Variants in SHISA9 observed in about 807,000 individuals in gnomAD.
The protein encoded by SHISA9 is shisa family member 9, also known as protein shisa-9.
Under a neutral mutation model 38.0 loss-of-function variants are expected in SHISA9, and 13 were observed. That is an observed-to-expected ratio of 0.34 (90% CI 0.22 to 0.54). SHISA9 has a LOEUF of 0.54. Ranked by LOEUF, SHISA9 falls within the 20% of genes least tolerant of loss-of-function variation. The probability of loss-of-function intolerance (pLI) is 0.91; values close to 1 mark genes in which losing one functional copy is unlikely to be tolerated. For synonymous variants in SHISA9, 275 were observed against 242.0 expected (o/e 1.14, Z -1.27); for missense variants, 538 against 575.8 (o/e 0.93, Z 0.67).
At chr16:13,119,822 T>C (rs2074068033) in intron 2 of SHISA9, among the ~76,000 whole-genome samples, 1 of 152,230 alleles carries the variant, frequency 6.6e-6, no homozygotes, top group Admixed American at 6.5e-5. Flanking sequence ...TTCAGGCAAG[T>C]ACTTAATATT....
chr16:13,552,671 C>T, the SHISA9 span, among the ~76,000 whole-genome samples: 30 of 152,224 alleles, frequency 2.0e-4, no homozygotes, highest in African/African-American at 5.5e-4. Context: ...TTGAAAAGAC[C>T]GGCCCAGGGG....
the SHISA9 span, among the ~76,000 whole-genome samples, chr16:13,397,470 G>A: frequency 6.6e-5 from 10 of 152,268 alleles, no homozygotes; most frequent in Admixed American, 3.3e-4. Flanking sequence ...TCTGCTGCCC[G>A]CCCCGCTGGG....
chr16:13,314,587 C>CAA, the SHISA9 span, among the ~76,000 whole-genome samples: 6 of 149,442 alleles, frequency 4.0e-5, no homozygotes, highest in East Asian at 2.0e-4. Context: ...ATTGATATAC[C>CAA]AAAAAAAAAC....
In SHISA9 at chr16:12,902,189, C is replaced by A. The variant is rs750220517; in HGVS notation, c.125C>A (p.Ala42Glu). The change falls in exon 1 of 5, where the codon GCG becomes GAG. Residue 42 changes from alanine to glutamate, a missense_variant. Transcript: ENST00000558583. ...LAQLGGVLLL[A>E]GGNRSGAASG... is the part of the protein sequence containing the mutation. ...CAACTGGGCGGCGTGTTGCTGCTGG[C>A]GGGGGGCAACCGCTCCGGGGCCGCC... is the stretch of plus-strand genomic sequence containing the variant. 6.5e-7 allele frequency: 1 copy of A among 1,529,262 alleles called. No individual in the cohort carries two copies. The highest frequency in any genetic ancestry group is 1.8e-4 in the Middle Eastern group (1 of 5,482). 94.7% of individuals were successfully genotyped at this position (1,529,262 alleles called of 1,614,324 possible).
chr16:13,526,169 T>C, the SHISA9 span, among the ~76,000 whole-genome samples: 4 of 152,208 alleles, frequency 2.6e-5, no homozygotes, highest in African/African-American at 9.6e-5. Context: ...ACTAACAAGA[T>C]CCACCTGAGT....
the SHISA9 span, among the ~76,000 whole-genome samples, chr16:13,506,152 G>A: frequency 6.6e-6 from 1 of 152,202 alleles, no homozygotes; most frequent in African/African-American, 2.4e-5. Flanking sequence ...TCTGCCTTAA[G>A]TAACTATCAA....
At chr16:13,507,995 T>A in the SHISA9 span, among the ~76,000 whole-genome samples, 3 of 152,198 alleles carry the variant, frequency 2.0e-5, no homozygotes, top group Non-Finnish European at 4.4e-5. Flanking sequence ...AAAACACAAT[T>A]GTTTCTGGTT....
chr16:13,476,755 T>G, the SHISA9 span, among the ~76,000 whole-genome samples: 3 of 134,478 alleles, frequency 2.2e-5, no homozygotes, highest in Admixed American at 7.3e-5. Flanking sequence ...TTTTTTTTTT[T>G]TTTTTTTTTT....
At chr16:13,394,551 T>A in the SHISA9 span, among the ~76,000 whole-genome samples, 16 of 152,280 alleles carry the variant, frequency 1.1e-4, no homozygotes, top group African/African-American at 3.8e-4. Flanking sequence ...CCTCCATCCC[T>A]GCCCTACTCA....
the SHISA9 span, among the ~76,000 whole-genome samples, chr16:13,317,389 G>A: frequency 4.0e-4 from 61 of 152,366 alleles, no homozygotes; most frequent in African/African-American, 1.4e-3. Context: ...TCAGCAGGGA[G>A]TTCTTCAAGA....
At position 12,970,340 on chromosome 16, in the gene SHISA9, T is replaced by C. The variant is rs1277351810; in HGVS notation, c.691+53525T>C. On this transcript the variant is annotated intron_variant, in intron 2 of 4. Coordinates refer to ENST00000558583, the MANE Select transcript of SHISA9 (RefSeq NM_001145204.3). The stretch of plus-strand genomic sequence containing the variant: ...GGGTATATATACATATATATATATA[T>C]ATACATATATGTGTATATATATATA... Among the ~76,000 whole-genome samples the C allele has an allele frequency of 2.0e-3, 170 of 85,848 alleles. 1 individual carries two copies. Among genetic ancestry groups the C allele is most frequent in the African/African-American group, 8.1e-3 (154 of 19,126 alleles). 56.3% of individuals were successfully genotyped at this position (85,848 alleles called of 152,430 possible).
the SHISA9 span, among the ~76,000 whole-genome samples, chr16:13,548,889 G>A: frequency 1.3e-5 from 2 of 152,078 alleles, no homozygotes; most frequent in Admixed American, 6.5e-5. Flanking sequence ...TAAAATGAAG[G>A]TATGAAAGAT....
At chr16:13,266,632 G>GA in the SHISA9 span, among the ~76,000 whole-genome samples, 1 of 152,166 alleles carries the variant, frequency 6.6e-6, no homozygotes, top group South Asian at 2.1e-4. Context: ...AAACGAAGAA[G>GA]AAAAAAACAC....
intron 2 of SHISA9, among the ~76,000 whole-genome samples, chr16:13,082,196 A>G (rs1286508405): frequency 6.6e-6 from 1 of 152,258 alleles, no homozygotes; most frequent in Non-Finnish European, 1.5e-5. Context: ...GAGAACGCAG[A>G]ATAGAGACAT....
At chr16:13,361,105 C>T in the SHISA9 span, among the ~76,000 whole-genome samples, 13,257 of 152,272 alleles carry the variant, frequency 0.087, 689 homozygotes, top group South Asian at 0.21. Context: ...CTAGTACTCA[C>T]ACTTTTTCCT....
intron 4 of SHISA9, among the ~76,000 whole-genome samples, chr16:13,216,003 A>T (rs1466168488): frequency 1.3e-5 from 2 of 152,086 alleles, no homozygotes; most frequent in Non-Finnish European, 2.9e-5. Context: ...CCTGACCAAC[A>T]TGGTGAAACC....
chr16:13,439,965 G>A, the SHISA9 span, among the ~76,000 whole-genome samples: 1 of 152,314 alleles, frequency 6.6e-6, no homozygotes, highest in Non-Finnish European at 1.5e-5. Flanking sequence ...CCTGTGATTA[G>A]ATAAAATGCT....
chr16:13,411,573 T>C, the SHISA9 span, among the ~76,000 whole-genome samples: 1 of 152,234 alleles, frequency 6.6e-6, no homozygotes, highest in African/African-American at 2.4e-5. Context: ...TCCAGGATCC[T>C]TCTTGCTGTT....
At chr16:13,041,297 C>G (rs1225426341) in intron 2 of SHISA9, among the ~76,000 whole-genome samples, 2 of 152,150 alleles carry the variant, frequency 1.3e-5, no homozygotes, top group African/African-American at 2.4e-5. Flanking sequence ...CTCTTTGTGC[C>G]TTGGGCTCTA....
Sources: allele counts gnomAD v4.1 joint callset (sites outside exome capture counted in the v4.1 genomes callset), GRCh38; gene constraint gnomAD v4.1.1; transcripts MANE v1.5; gene names NCBI Gene and HGNC (gene_info 2026-07-23, HGNC 2026-07-21).